Variants in WWOX observed in about 807,000 individuals in gnomAD.
WWOX encodes the protein WW domain-containing oxidoreductase.
In WWOX, 69 loss-of-function variants were observed where a neutral mutation model predicts 46.2. The observed-to-expected ratio is 1.49, with a 90% CI of 1.23 to 1.82. The LOEUF (loss-of-function observed/expected upper bound fraction) is 1.82, where lower values mean the gene tolerates loss of function less well. Among genes scored for constraint, WWOX ranks in the 40% most tolerant of loss-of-function variants. The pLI is 0.00. For missense variants in WWOX, 919 were observed against 542.6 expected (o/e 1.69, Z -6.89); for synonymous variants, 359 against 202.6 (o/e 1.77, Z -6.56).
intron 8 of WWOX, among the ~76,000 whole-genome samples, chr16:78,760,755 A>G (rs982198063): frequency 6.6e-6 from 1 of 152,170 alleles, no homozygotes; most frequent in Non-Finnish European, 1.5e-5. Context: ...ATGCCTGGAG[A>G]GCATTACAGG....
intron 8 of WWOX, among the ~76,000 whole-genome samples, chr16:78,658,564 C>T (rs2047133824): frequency 1.3e-5 from 2 of 152,170 alleles, no homozygotes; most frequent in Non-Finnish European, 2.9e-5. Context: ...TGAAAGCCTG[C>T]TCCGTGCCTC....
chr16:78,684,065 G>C (rs145013479), intron 8 of WWOX, among the ~76,000 whole-genome samples: 2 of 152,164 alleles, frequency 1.3e-5, no homozygotes, highest in African/African-American at 4.8e-5. Context: ...GTTTTGGCTC[G>C]CACATGCTTC....
intron 8 of WWOX, among the ~76,000 whole-genome samples, chr16:78,642,702 T>C (rs534194370): frequency 1.3e-5 from 2 of 152,278 alleles, no homozygotes; most frequent in East Asian, 1.9e-4. Context: ...TCGACCGCTA[T>C]GGTATTTCTT....
intron 5 of WWOX, among the ~76,000 whole-genome samples, chr16:78,192,926 A>G (rs2035928303): frequency 6.6e-6 from 1 of 152,222 alleles, no homozygotes; most frequent in African/African-American, 2.4e-5. Context: ...GCAGTAACAA[A>G]CAATCCCAGA....
intron 8 of WWOX, among the ~76,000 whole-genome samples, chr16:78,754,818 G>C (rs896575093): frequency 2.6e-5 from 4 of 152,106 alleles, no homozygotes; most frequent in Admixed American, 1.3e-4. Context: ...AGATCTGCAC[G>C]GTTGGGCCTG....
chr16:78,552,118 C>G (rs1047350546), intron 8 of WWOX: 2 of 152,162 alleles, frequency 1.3e-5, no homozygotes, highest in African/African-American at 4.8e-5. Context: ...CCTGATGACC[C>G]AGGGACCCAG....
At chr16:78,495,122 G>C (rs1046897350) in intron 8 of WWOX, among the ~76,000 whole-genome samples, 1 of 145,698 alleles carries the variant, frequency 6.9e-6, no homozygotes, top group African/African-American at 2.5e-5. Flanking sequence ...GATATAGAAA[G>C]ATTAGTAGTA....
chr16:78,956,688 T>C (rs2046173874), intron 8 of WWOX, among the ~76,000 whole-genome samples: 1 of 152,196 alleles, frequency 6.6e-6, no homozygotes, highest in Admixed American at 6.5e-5. Flanking sequence ...TTTAATCTCT[T>C]TGTGCACACA....
intron 8 of WWOX, among the ~76,000 whole-genome samples, chr16:78,910,243 G>A (rs576761494): frequency 6.7e-6 from 1 of 150,158 alleles, no homozygotes. Flanking sequence ...TTACAAGCCA[G>A]TGCAGGTGGA....
intron 5 of WWOX, among the ~76,000 whole-genome samples, chr16:78,189,726 C>T (rs541938791): frequency 2.6e-5 from 4 of 152,094 alleles, no homozygotes; most frequent in Non-Finnish European, 5.9e-5. Context: ...GTGATCTTGG[C>T]TCACTGCAAC....
intron 8 of WWOX, among the ~76,000 whole-genome samples, chr16:78,829,749 A>G (rs6564604): frequency 0.79 from 119,750 of 152,074 alleles, 47,483 homozygotes; most frequent in Non-Finnish European, 0.83. Flanking sequence ...AGACCCAGAG[A>G]TTCAGAGTAT....
At chr16:78,315,618 C>A (rs945969262) in intron 5 of WWOX, among the ~76,000 whole-genome samples, 1 of 152,060 alleles carries the variant, frequency 6.6e-6, no homozygotes, top group Admixed American at 6.6e-5. Flanking sequence ...CCACTGTACT[C>A]CAGCCTGGGT....
At chr16:78,581,047 C>T (rs999115020) in intron 8 of WWOX, among the ~76,000 whole-genome samples, 1 of 152,008 alleles carries the variant, frequency 6.6e-6, no homozygotes, top group East Asian at 1.9e-4. Flanking sequence ...CAGCCATCAG[C>T]CTTATTAGAG....
At chr16:78,757,101 C>G in intron 8 of WWOX, 1 of 693,210 alleles carries the variant, frequency 1.4e-6, no homozygotes, top group Non-Finnish European at 2.6e-6. Context: ...TTGACTGGAA[C>G]TTTATTTGAG....
At chr16:79,096,338 G>A (rs1367810024) in intron 8 of WWOX, among the ~76,000 whole-genome samples, 2 of 152,112 alleles carry the variant, frequency 1.3e-5, no homozygotes, top group African/African-American at 4.8e-5. Context: ...CCATGCTCTC[G>A]AGCTGGCCAT....
At position 78,601,938 on chromosome 16, in the gene WWOX, G is replaced by A. The variant is rs11865708; in HGVS notation, c.1056+169186G>A. 6.7e-3 allele frequency among the ~76,000 whole-genome samples: 1,024 copies of A among 152,242 alleles called. 11 individuals are homozygous for A. Among genetic ancestry groups the A allele is most frequent in the African/African-American group, 0.023 (959 of 41,544 alleles). The stretch of plus-strand genomic sequence containing the variant: ...TGTTTTATTAGCGAAATCATCATCT[G>A]TTTCATTTTGCTTTGGTAATAGTGC... On this transcript the variant is annotated intron_variant, in intron 8 of 8. Coordinates refer to ENST00000566780, the MANE Select transcript of WWOX (RefSeq NM_016373.4).
chr16:79,032,568 A>G (rs2047784905), intron 8 of WWOX, among the ~76,000 whole-genome samples: 1 of 148,462 alleles, frequency 6.7e-6, no homozygotes, highest in African/African-American at 2.4e-5. Flanking sequence ...CTTTCCATAC[A>G]TACATATATA....
At chr16:78,132,964 T>C (rs983084900) in intron 4 of WWOX, among the ~76,000 whole-genome samples, 2 of 152,234 alleles carry the variant, frequency 1.3e-5, no homozygotes, top group Admixed American at 6.5e-5. Flanking sequence ...CTTATGATTT[T>C]ACATTCTGTC....
chr16:78,852,699 A>G (rs143510575), intron 8 of WWOX, among the ~76,000 whole-genome samples: 8 of 152,338 alleles, frequency 5.3e-5, no homozygotes, highest in African/African-American at 1.9e-4. Context: ...CTACACACCA[A>G]TATTAATACA....
Sources: allele counts gnomAD v4.1 joint callset (sites outside exome capture counted in the v4.1 genomes callset), GRCh38; gene constraint gnomAD v4.1.1; transcripts MANE v1.5; gene names NCBI Gene and HGNC (gene_info 2026-07-23, HGNC 2026-07-21).